The following DOCK1 variants were observed in gnomAD, a reference collection of about 807,000 sequenced individuals.
DOCK1 encodes dedicator of cytokinesis protein 1.
A neutral mutation model predicts 262.7 loss-of-function variants in DOCK1; 138 were observed. The observed-to-expected ratio is 0.53, with a 90% confidence interval of 0.46 to 0.61. The LOEUF (loss-of-function observed/expected upper bound fraction) is 0.61. Among genes scored for constraint, DOCK1 ranks in the 20% least tolerant of loss-of-function variants. The pLI, the probability that DOCK1 is intolerant of heterozygous loss-of-function variation, is 0.00. For synonymous variants in DOCK1, 866 were observed against 867.4 expected, an observed-to-expected ratio of 1.00 and a Z score of 0.03; for missense variants, 1,908 against 2,370.7, an observed-to-expected ratio of 0.80 and a Z score of 4.05.
chr10:127,056,112 G>A (rs1312429668), intron 22 of DOCK1, among the ~76,000 whole-genome samples: 1 of 152,152 alleles, frequency 6.6e-6, no homozygotes, highest in African/African-American at 2.4e-5. Context: ...CTAAGCCTCT[G>A]AGGCCATTGT....
chr10:127,198,478 A>T (rs1330731089), intron 27 of DOCK1, among the ~76,000 whole-genome samples: 1 of 152,244 alleles, frequency 6.6e-6, no homozygotes, highest in African/African-American at 2.4e-5. Context: ...ACATAAATGC[A>T]TGCCCAGCAA....
At chr10:126,984,248 C>A in intron 4 of DOCK1, among the ~76,000 whole-genome samples, 1 of 152,194 alleles carries the variant, frequency 6.6e-6, no homozygotes, top group East Asian at 1.9e-4. Context: ...AGTTAGGCAG[C>A]CAAGTAACTA....
intron 27 of DOCK1, among the ~76,000 whole-genome samples, chr10:127,203,198 G>A (rs949728170): frequency 6.6e-6 from 1 of 152,142 alleles, no homozygotes; most frequent in Non-Finnish European, 1.5e-5. Context: ...TATACCACAA[G>A]AGGCCACTTC....
At chr10:127,147,135 C>T (rs981103310) in intron 27 of DOCK1, among the ~76,000 whole-genome samples, 2 of 152,206 alleles carry the variant, frequency 1.3e-5, no homozygotes, top group African/African-American at 4.8e-5. Context: ...CTCATCTTTC[C>T]TGAAATCCTC....
chr10:126,916,784 A>G (rs2134060931), intron 1 of DOCK1, among the ~76,000 whole-genome samples: 1 of 148,582 alleles, frequency 6.7e-6, no homozygotes, highest in African/African-American at 2.5e-5. Context: ...GTTCTTAGAC[A>G]TTGGTATCTG....
intron 4 of DOCK1, among the ~76,000 whole-genome samples, chr10:126,986,678 GGT>G (rs1321925248): frequency 6.6e-6 from 1 of 152,224 alleles, no homozygotes; most frequent in Non-Finnish European, 1.5e-5. Flanking sequence ...GGGAGGCTGA[GGT>G]GGGAGTATCA....
intron 38 of DOCK1, among the ~76,000 whole-genome samples, chr10:127,394,349 ATG>A (rs2066686096): frequency 9.1e-6 from 1 of 110,416 alleles, no homozygotes; most frequent in African/African-American, 3.4e-5. Flanking sequence ...CCTTGCACCA[ATG>A]TAAAAAAAAA....
At chr10:127,370,416 C>G (rs183159040) in intron 33 of DOCK1, among the ~76,000 whole-genome samples, 1 of 152,232 alleles carries the variant, frequency 6.6e-6, no homozygotes, top group East Asian at 1.9e-4. Flanking sequence ...TGCTGCGCTC[C>G]CACAGAACCC....
chr10:127,398,374 C>T (rs2134274682), intron 38 of DOCK1, among the ~76,000 whole-genome samples: 1 of 152,302 alleles, frequency 6.6e-6, no homozygotes, highest in African/African-American at 2.4e-5. Flanking sequence ...TGGAATCATC[C>T]AGGCCCACCT....
intron 27 of DOCK1, among the ~76,000 whole-genome samples, chr10:127,163,364 G>C (rs1351247999): frequency 6.6e-6 from 1 of 152,004 alleles, no homozygotes; most frequent in African/African-American, 2.4e-5. Context: ...AGTATACCGG[G>C]AGCTGTAGCT....
chr10:127,195,814 G>C (rs887868500), intron 27 of DOCK1, among the ~76,000 whole-genome samples: 5 of 152,130 alleles, frequency 3.3e-5, no homozygotes, highest in African/African-American at 1.2e-4. Context: ...ACCGCACCGG[G>C]TCCGCTCCCG....
chr10:127,112,614 G>A (rs1381838738), intron 25 of DOCK1, among the ~76,000 whole-genome samples: 4 of 152,230 alleles, frequency 2.6e-5, no homozygotes, highest in East Asian at 1.9e-4. Flanking sequence ...TTTTAAGTAC[G>A]GAATTAGGAT....
intron 23 of DOCK1, among the ~76,000 whole-genome samples, chr10:127,092,173 T>G (rs1393148916): frequency 6.6e-6 from 1 of 152,210 alleles, no homozygotes; most frequent in Non-Finnish European, 1.5e-5. Context: ...GCTGGTCAGG[T>G]CTGGCTGGAC....
rs2057200103 is a variant in DOCK1, at chr10:127,196,757, G to GGCTGCCGCCGGCTGCCGCCT, written c.2848-51248_2848-51229dup. Among the ~76,000 whole-genome samples the GGCTGCCGCCGGCTGCCGCCT allele has an allele frequency of 1.4e-5, 2 of 147,646 alleles. 1 individual carries two copies. The highest frequency in any genetic ancestry group is 3.0e-5 in the Non-Finnish European group (2 of 66,486). On this transcript the variant is annotated intron_variant, in intron 27 of 51. Transcript: ENST00000623213. ...GGAGGAGGTGGAAGGAGCTGCCGCC[G>GGCTGCCGCCGGCTGCCGCCT]GCTGCCGCCGGCTGCCGCCTGCGCG...
chr10:126,954,961 A>G (rs2036612023), intron 1 of DOCK1, among the ~76,000 whole-genome samples: 1 of 152,100 alleles, frequency 6.6e-6, no homozygotes, highest in Non-Finnish European at 1.5e-5. Context: ...GTAGTTGTAT[A>G]TTTAACTTTT....
At chr10:126,970,933 T>C (rs1416301407) in intron 2 of DOCK1, 148 bp downstream of exon 2, 1 of 819,822 alleles carries the variant, frequency 1.2e-6, no homozygotes. Context: ...AGATGGATAC[T>C]GTTTCAGGTA....
At chr10:127,266,129 C>T (rs936554849) in intron 29 of DOCK1, among the ~76,000 whole-genome samples, 2 of 152,180 alleles carry the variant, frequency 1.3e-5, no homozygotes, top group African/African-American at 4.8e-5. Flanking sequence ...AGGAGGACTG[C>T]GTGTTTTCTT....
At chr10:126,973,880 T>A (rs1037224805) in intron 2 of DOCK1, among the ~76,000 whole-genome samples, 2 of 152,204 alleles carry the variant, frequency 1.3e-5, no homozygotes, top group Non-Finnish European at 2.9e-5. Flanking sequence ...AAGTTTGATT[T>A]TCTTTTTTTC....
chr10:127,354,455 T>A (rs2064038327), intron 31 of DOCK1, among the ~76,000 whole-genome samples: 1 of 152,210 alleles, frequency 6.6e-6, no homozygotes, highest in Non-Finnish European at 1.5e-5. Flanking sequence ...GGGGGGAAGA[T>A]GTTGTGTAAC....
Sources: gnomAD v4.1 joint callset for allele counts (sites outside exome capture counted in the v4.1 genomes callset) on GRCh38, gnomAD v4.1.1 for gene constraint, MANE v1.5 for transcripts, NCBI Gene and HGNC (gene_info 2026-07-23, HGNC 2026-07-21) for gene names.